Variants in PDSS1 observed in about 807,000 individuals in gnomAD.
The protein encoded by PDSS1 is all trans-polyprenyl-diphosphate synthase PDSS1.
A neutral mutation model predicts 57.5 loss-of-function variants in PDSS1; 43 were observed. That is an observed-to-expected ratio of 0.75 (90% CI 0.59 to 0.96). The LOEUF is 0.96. Among genes scored for constraint, PDSS1 ranks in the 50% least tolerant of loss-of-function variants. The probability of loss-of-function intolerance (pLI) is 0.00; values close to 1 mark genes in which losing one functional copy is unlikely to be tolerated. For missense variants in PDSS1, 438 were observed against 527.8 expected (o/e 0.83, Z 1.67); for synonymous variants, 175 against 191.3 (o/e 0.91, Z 0.70).
At chr10:26,745,318 T>C (rs7923912) in intron 11 of PDSS1, among the ~76,000 whole-genome samples, 43,042 of 152,136 alleles carry the variant, frequency 0.28, 6,346 homozygotes, top group Admixed American at 0.35. Flanking sequence ...AGAACCAATA[T>C]TTTAAAACAT....
At chr10:26,719,627 G>T (rs1189914853) in intron 5 of PDSS1, among the ~76,000 whole-genome samples, 6 of 152,128 alleles carry the variant, frequency 3.9e-5, no homozygotes, top group Admixed American at 3.3e-4. Context: ...ATTTAGCTGG[G>T]TGTGGTGGTG....
intron 6 of PDSS1, 31 bp downstream of exon 6, chr10:26,720,390 C>A: frequency 7.0e-7 from 1 of 1,419,440 alleles, no homozygotes; most frequent in South Asian, 1.1e-5. Flanking sequence ...TAAAATCTCT[C>A]TTACTGAATC....
chr10:26,720,040 T>G (rs1042842816), intron 5 of PDSS1, 178 bp from the exon 6 acceptor site: 33 of 795,362 alleles, frequency 4.1e-5, no homozygotes, highest in South Asian at 3.6e-5. Flanking sequence ...TGTGGCAGGG[T>G]TTCTCATACA....
At chr10:26,732,525 G>GGA (rs200607596) in intron 8 of PDSS1, among the ~76,000 whole-genome samples, 9,584 of 152,222 alleles carry the variant, frequency 0.063, 816 homozygotes, top group African/African-American at 0.19. Context: ...CTCCTGTGTT[G>GGA]AAGTGATGAA....
intron 8 of PDSS1, among the ~76,000 whole-genome samples, chr10:26,728,463 C>T (rs1338825249): frequency 1.3e-5 from 2 of 151,662 alleles, no homozygotes; most frequent in Non-Finnish European, 2.9e-5. Flanking sequence ...GCACTCAAGC[C>T]TGGGCAACAA....
chr10:26,743,447 A>G (rs866648509), intron 11 of PDSS1, among the ~76,000 whole-genome samples: 1 of 152,174 alleles, frequency 6.6e-6, no homozygotes, highest in Non-Finnish European at 1.5e-5. Flanking sequence ...AACCCCTAAA[A>G]GGTTATTTTT....
At chr10:26,733,519 A>G (rs1333042888) in intron 8 of PDSS1, among the ~76,000 whole-genome samples, 1 of 152,132 alleles carries the variant, frequency 6.6e-6, no homozygotes, top group Non-Finnish European at 1.5e-5. Context: ...CCATGTACTT[A>G]TGGCCAAGCA....
chr10:26,718,060 T>C (rs1399828418), intron 5 of PDSS1: 2 of 146,920 alleles, frequency 1.4e-5, no homozygotes, highest in Non-Finnish European at 3.0e-5. Context: ...TTTTTTGTGT[T>C]TTTTTGAAAT....
chr10:26,726,980 T>G (rs1237317405), intron 8 of PDSS1, among the ~76,000 whole-genome samples: 1 of 151,710 alleles, frequency 6.6e-6, no homozygotes, highest in East Asian at 1.9e-4. Context: ...GAGAACCGCT[T>G]GAACCCGGGA....
intron 8 of PDSS1, among the ~76,000 whole-genome samples, chr10:26,727,836 A>G (rs1210615287): frequency 2.6e-5 from 4 of 152,158 alleles, no homozygotes; most frequent in Non-Finnish European, 4.4e-5. Context: ...CATCTAGAAC[A>G]GTCTTTCTTT....
chr10:26,739,875 G>T (rs577805511), intron 10 of PDSS1, among the ~76,000 whole-genome samples: 2 of 152,142 alleles, frequency 1.3e-5, no homozygotes, highest in African/African-American at 4.8e-5. Context: ...GGTGGCTCAC[G>T]CCTGTAATCC....
rs1564441686 is a variant in PDSS1, at chr10:26,746,345, C to CAACA, written c.1126_1129dup (p.Thr377AsnfsTer11). The CAACA allele has an allele frequency of 4.3e-6, 7 of 1,613,996 alleles. No individual in the cohort carries two copies. The highest frequency in any genetic ancestry group is 2.2e-5 in the East Asian group (1 of 44,868). On this transcript the variant is annotated frameshift_variant, in exon 12 of 12. Coordinates refer to ENST00000376215, the MANE Select transcript of PDSS1 (RefSeq NM_014317.5). LOFTEE classifies it high-confidence loss of function. The stretch of plus-strand genomic sequence containing the variant: ...CTGTATCTTATAGAGTGATGGTGTG[C>CAACA]AACAAACAACCTACCTCGCCCAGCA...
In PDSS1 at chr10:26,697,774, C is replaced by A; in HGVS notation, c.63C>A (p.Pro21=). 1 of 1,295,484 alleles carries A rather than the reference C, an allele frequency of 7.7e-7. No individual in the cohort carries two copies. The highest frequency in any genetic ancestry group is 2.4e-5 in the South Asian group (1 of 40,986). 80.2% of individuals were successfully genotyped at this position (1,295,484 alleles called of 1,614,324 possible). A position where few individuals can be genotyped will look rare whatever the true frequency, so the allele number is the denominator to read the frequency against. Residue 21 remains proline (P), a synonymous_variant, in exon 1 of 12, where the codon CCC becomes CCA. Transcript: ENST00000376215. ...GCSWKPAARS[P]GPGSPGRAGP... ...CCTGGAAGCCGGCGGCGCGGAGCCCCGGGCCCGGCTCCCCCGGCCGTGCGG... is the reference window on the plus strand; with the variant it reads ...CCTGGAAGCCGGCGGCGCGGAGCCCAGGGCCCGGCTCCCCCGGCCGTGCGG...
chr10:26,742,632 T>G (rs1564438685), intron 11 of PDSS1, 55 bp downstream of exon 11: 1 of 1,018,668 alleles, frequency 9.8e-7, no homozygotes. Flanking sequence ...GGCAAAATCC[T>G]TTAATCCAAA....
intron 5 of PDSS1, among the ~76,000 whole-genome samples, chr10:26,719,004 T>G (rs1292521494): frequency 6.6e-6 from 1 of 152,202 alleles, no homozygotes; most frequent in Non-Finnish European, 1.5e-5. Flanking sequence ...CTGCCGGGTC[T>G]GAGGAATTGG....
In PDSS1 at chr10:26,723,444, T is replaced by C. The variant is rs79395512; in HGVS notation, c.610-362T>C. ...TCAACTGGGGAGATGGACATGGTCATCTCTGAGAGCCAATACAGTTCAAGT... is the reference window on the plus strand; with the variant it reads ...TCAACTGGGGAGATGGACATGGTCACCTCTGAGAGCCAATACAGTTCAAGT... On this transcript the variant is annotated intron_variant, in intron 6 of 11. Transcript: ENST00000376215. Among the ~76,000 whole-genome samples the C allele has an allele frequency of 8.4e-3, 1,284 of 152,292 alleles. 34 individuals are homozygous for C. In the East Asian group the frequency reaches 0.09, roughly 11 times the overall value.
At position 26,735,295 on chromosome 10, in the gene PDSS1, GA is replaced by G; in HGVS notation, c.893del (p.Asn298MetfsTer2). On this transcript the variant is annotated frameshift_variant, in exon 9 of 12. Coordinates refer to ENST00000376215, the MANE Select transcript of PDSS1 (RefSeq NM_014317.5). LOFTEE classifies it high-confidence loss of function. ...GTGCATGAGATCGCCTATCAGTACG[GA>G]AAAAATGTAGGAATAGCTTTTCAGG... ...PVVHEIAYQY[G>X]KNVGIAFQLI... 1 of 1,612,866 alleles carries G rather than the reference GA, an allele frequency of 6.2e-7. No homozygotes were observed. Among genetic ancestry groups the G allele is most frequent in the Non-Finnish European group, 8.5e-7 (1 of 1,178,870 alleles).
chr10:26,702,161 G>T lies in PDSS1; in HGVS notation c.130-1G>T, dbSNP rs562263432. The T allele has an allele frequency of 4.4e-6, 2 of 456,262 alleles. No individual in the cohort carries two copies. Among genetic ancestry groups the T allele is most frequent in the Middle Eastern group, 6.3e-4 (1 of 1,592 alleles). The allele number at this position is 456,262 out of a possible 1,614,324, so 28.3% of individuals were successfully genotyped here. A position where few individuals can be genotyped will look rare whatever the true frequency, so the allele number is the denominator to read the frequency against. ...AACGTAACTTGTTTTTGATTTTACA[G>T]GTTCATAGGCGGAAGGGACTTGACT... On this transcript the variant is annotated splice_acceptor_variant, in intron 1 of 11. Transcript: ENST00000376215. LOFTEE classifies it high-confidence loss of function.
chr10:26,713,893 C>T (rs1335843130), intron 5 of PDSS1, among the ~76,000 whole-genome samples: 1 of 152,020 alleles, frequency 6.6e-6, no homozygotes, highest in East Asian at 1.9e-4. Context: ...TCACCTTAGG[C>T]TGTGCCCCTT....
Sources: allele counts gnomAD v4.1 joint callset (sites outside exome capture counted in the v4.1 genomes callset), GRCh38; gene constraint gnomAD v4.1.1; transcripts MANE v1.5; gene names NCBI Gene and HGNC (gene_info 2026-07-23, HGNC 2026-07-21).